Variants in NETO2 observed in about 807,000 individuals in gnomAD.
The protein encoded by NETO2 is neuropilin and tolloid like 2.
A neutral mutation model predicts 62.5 loss-of-function variants in NETO2; 28 were observed. The observed-to-expected ratio is 0.45, with a 90% CI of 0.33 to 0.61. The LOEUF is 0.61. Among genes scored for constraint, NETO2 ranks in the 20% least tolerant of loss-of-function variants. The pLI, the probability that NETO2 is intolerant of heterozygous loss-of-function variation, is 0.02. For synonymous variants in NETO2, 214 were observed against 219.1 expected (o/e 0.98, Z 0.21); for missense variants, 548 against 643.2 (o/e 0.85, Z 1.60).
At chr16:47,083,852 A>C (rs764143678) in intron 8 of NETO2, 51 bp from the exon 9 acceptor site, 4 of 1,350,382 alleles carry the variant, frequency 3.0e-6, no homozygotes, top group Non-Finnish European at 4.1e-6. Flanking sequence ...ATTAATATGA[A>C]TCCTGGTACA....
At chr16:47,143,542 A>T in intron 1 of NETO2, 37 bp downstream of exon 1, 1 of 1,220,622 alleles carries the variant, frequency 8.2e-7, no homozygotes, top group South Asian at 4.1e-5. Flanking sequence ...CTCGGCCCGC[A>T]GGGGGCGCCG....
At chr16:47,105,344 A>C (rs1313394180) in intron 7 of NETO2, among the ~76,000 whole-genome samples, 3 of 152,230 alleles carry the variant, frequency 2.0e-5, no homozygotes, top group Non-Finnish European at 4.4e-5. Flanking sequence ...TTAACTCCAA[A>C]TACATCAAAG....
Position 47,143,789 on chromosome 16 carries a change from A to C in NETO2, c.-177T>G, listed in dbSNP as rs916334162. 1.0e-4 allele frequency: 89 copies of C among 863,820 alleles called. No individual in the cohort carries two copies. In the African/African-American group the frequency reaches 1.4e-3, roughly 14 times the overall value. The allele number at this position is 863,820 out of a possible 1,614,324, so 53.5% of individuals were successfully genotyped here. A position where few individuals can be genotyped will look rare whatever the true frequency, so the allele number is the denominator to read the frequency against. On this transcript the variant is annotated 5_prime_UTR_variant, in exon 1 of 9. Coordinates refer to ENST00000562435, the MANE Select transcript of NETO2 (RefSeq NM_018092.5). Reference sequence around the variant, plus strand: ...GCGGCCCGCCATGCCCGAGCCCCACAGTGGGCTCCCGCGCGGCCCGAGCAC... The same window carrying C: ...GCGGCCCGCCATGCCCGAGCCCCACCGTGGGCTCCCGCGCGGCCCGAGCAC...
chr16:47,140,701 AGGACAAGTTTTTCAGT>A lies in NETO2; in HGVS notation c.34+2862_34+2877del, dbSNP rs1264669271. 3.2e-4 allele frequency among the ~76,000 whole-genome samples: 49 copies of A among 152,352 alleles called. 1 individual carries two copies. Among genetic ancestry groups the A allele is most frequent in the East Asian group, 2.3e-3 (12 of 5,190 alleles). ...ATTTTTAATAAGGCTTTAGTATTAA[AGGACAAGTTTTTCAGT>A]ACCACACTTATTTCTGTATAACTAG... On this transcript the variant is annotated intron_variant, in intron 1 of 8. Coordinates refer to ENST00000562435, the MANE Select transcript of NETO2 (RefSeq NM_018092.5).
intron 8 of NETO2, among the ~76,000 whole-genome samples, chr16:47,084,844 C>T (rs140061859): frequency 8.5e-4 from 130 of 152,262 alleles, no homozygotes; most frequent in African/African-American, 2.8e-3. Flanking sequence ...AAGCTCAGGG[C>T]TCCCACTGAT....
At chr16:47,104,524 A>T (rs1205617819) in intron 7 of NETO2, among the ~76,000 whole-genome samples, 1 of 152,206 alleles carries the variant, frequency 6.6e-6, no homozygotes, top group South Asian at 2.1e-4. Context: ...AAATAGAAAA[A>T]GTCATCCTAA....
At chr16:47,132,086 CAAT>C (rs1964277439) in intron 1 of NETO2, 61 bp from the exon 2 acceptor site, 1 of 1,245,340 alleles carries the variant, frequency 8.0e-7, no homozygotes, top group Non-Finnish European at 1.2e-6. Context: ...TTTACTAAGT[CAAT>C]AAATAAAATT....
chr16:47,106,462 A>AT (rs1185688365), intron 7 of NETO2, among the ~76,000 whole-genome samples: 1 of 152,110 alleles, frequency 6.6e-6, no homozygotes, highest in East Asian at 1.9e-4. Context: ...TATGCCATGT[A>AT]TATTTTGCCA....
rs1963037152 is a variant in NETO2, at chr16:47,080,074, C to G, written c.*3147G>C. 1 of 152,188 alleles carries G rather than the reference C, an allele frequency of 6.6e-6. No individual in the cohort carries two copies. Among genetic ancestry groups the G allele is most frequent in the South Asian group, 2.1e-4 (1 of 4,826 alleles). The allele number at this position is 152,188 out of a possible 1,614,324, so 9.4% of individuals were successfully genotyped here. Reference sequence around the variant, plus strand: ...ATAAGCGCTGTCGGGTTAAAGGAGTCTTTGAAATCTCTTTTGTGATGTGAA... The same window carrying G: ...ATAAGCGCTGTCGGGTTAAAGGAGTGTTTGAAATCTCTTTTGTGATGTGAA... On this transcript the variant is annotated 3_prime_UTR_variant, in exon 9 of 9. Transcript: ENST00000562435.
In NETO2 at chr16:47,081,939, T is replaced by C. The variant is rs1198499762; in HGVS notation, c.*1282A>G. 1 of 152,566 alleles carries C rather than the reference T, an allele frequency of 6.6e-6. No individual in the cohort carries two copies. The highest frequency in any genetic ancestry group is 1.5e-5 in the Non-Finnish European group (1 of 67,998). 9.5% of individuals were successfully genotyped at this position (152,566 alleles called of 1,614,324 possible). The stretch of plus-strand genomic sequence containing the variant: ...ACATTTCCAAGGTCTTTACAATAAG[T>C]TATAGCGTCCAGGTCCAACACAGCA... On this transcript the variant is annotated 3_prime_UTR_variant, in exon 9 of 9. Coordinates refer to ENST00000562435, the MANE Select transcript of NETO2 (RefSeq NM_018092.5).
At chr16:47,122,592 C>T in intron 6 of NETO2, 65 bp downstream of exon 6, 2 of 1,551,342 alleles carry the variant, frequency 1.3e-6, no homozygotes, top group Non-Finnish European at 1.7e-6. Flanking sequence ...ACCAAAATTA[C>T]ACATTTTGCA....
intron 6 of NETO2, among the ~76,000 whole-genome samples, chr16:47,114,641 G>C (rs1471050667): frequency 6.6e-6 from 1 of 151,136 alleles, no homozygotes; most frequent in Non-Finnish European, 1.5e-5. Flanking sequence ...TAGTAGAGAC[G>C]GGGTTTTACC....
intron 6 of NETO2, among the ~76,000 whole-genome samples, chr16:47,120,198 AAT>A (rs1295821339): frequency 6.6e-6 from 1 of 152,176 alleles, no homozygotes; most frequent in Non-Finnish European, 1.5e-5. Context: ...GATTTGTTTT[AAT>A]AGTTACATCA....
At chr16:47,083,922 G>C in intron 8 of NETO2, 121 bp from the exon 9 acceptor site, 1 of 680,782 alleles carries the variant, frequency 1.5e-6, no homozygotes, top group Admixed American at 3.2e-5. Context: ...TACAGACAAT[G>C]CAATTTACAA....
chr16:47,127,817 C>T (rs1361425555), intron 4 of NETO2, among the ~76,000 whole-genome samples: 1 of 152,180 alleles, frequency 6.6e-6, no homozygotes, highest in Non-Finnish European at 1.5e-5. Context: ...TGTGCTTAAT[C>T]GTCTTACAGC....
At chr16:47,093,933 ATTTGTTTC>A (rs1963370845) in intron 7 of NETO2, among the ~76,000 whole-genome samples, 1 of 152,242 alleles carries the variant, frequency 6.6e-6, no homozygotes, top group Admixed American at 6.5e-5. Context: ...AGGCTAAAAT[ATTTGTTTC>A]TTTTCATGAC....
In NETO2 at chr16:47,083,238, T is replaced by C; in HGVS notation, c.1561A>G (p.Ile521Val). ...RGREDSAQASISIDF is the reference protein window; with the variant it reads ...RGREDSAQASVSIDF ...GCAGAAGATTAGAAGTCAATGGATA[T>C]GGATGCTTGTGCAGAATCTTCTCGC... is the stretch of plus-strand genomic sequence containing the variant. Residue 521 changes from isoleucine to valine, a missense_variant, in exon 9 of 9, where the codon ATA becomes GTA. Coordinates refer to ENST00000562435, the MANE Select transcript of NETO2 (RefSeq NM_018092.5). 6.2e-7 allele frequency: 1 copy of C among 1,611,684 alleles called. No homozygotes were observed.
chr16:47,097,733 T>TA (rs1173974846), intron 7 of NETO2, among the ~76,000 whole-genome samples: 1 of 152,160 alleles, frequency 6.6e-6, no homozygotes, highest in Non-Finnish European at 1.5e-5. Context: ...GACTGGGAGA[T>TA]ACCTCACAGA....
intron 6 of NETO2, among the ~76,000 whole-genome samples, chr16:47,118,507 G>T (rs148866010): frequency 6.6e-6 from 1 of 152,248 alleles, no homozygotes; most frequent in African/African-American, 2.4e-5. Flanking sequence ...CCAACCTGTT[G>T]TGAGTTCTGA....
Sources: allele counts gnomAD v4.1 joint callset (sites outside exome capture counted in the v4.1 genomes callset), GRCh38; gene constraint gnomAD v4.1.1; transcripts MANE v1.5; gene names NCBI Gene and HGNC (gene_info 2026-07-23, HGNC 2026-07-21).